The following SLC9A3 variants were observed in gnomAD, a reference collection of about 807,000 sequenced individuals.
SLC9A3 encodes the protein sodium/hydrogen exchanger 3.
A neutral mutation model predicts 86.8 loss-of-function variants in SLC9A3; 37 were observed. The observed-to-expected ratio is 0.43, with a 90% CI of 0.33 to 0.56. The LOEUF (loss-of-function observed/expected upper bound fraction) is 0.56. SLC9A3 is among the 20% of genes least tolerant of loss of function. SLC9A3 has a pLI of 0.06. For synonymous variants in SLC9A3, 581 were observed against 528.3 expected (o/e 1.10, Z -1.37); for missense variants, 1,011 against 1,171.9 (o/e 0.86, Z 2.00).
intron 1 of SLC9A3, among the ~76,000 whole-genome samples, chr5:516,911 A>T (rs1182701938): frequency 6.6e-6 from 1 of 152,204 alleles, no homozygotes; most frequent in Non-Finnish European, 1.5e-5. Flanking sequence ...TCAGCCGAGG[A>T]GCTGAGACAG....
In SLC9A3 at chr5:475,080, C is replaced by T; in HGVS notation, c.2304G>A (p.Leu768=). ...SPDEALDRSL[L]ARLPPWLSPG... is the part of the protein sequence containing the mutation. The stretch of plus-strand genomic sequence containing the variant: ...GAGACAGCCAGGGCGGCAGCCTGGC[C>T]AGGAGGCTGCGGTCCAGGGCCTCGT... Residue 768 remains leucine (L), a synonymous_variant, in exon 16 of 17, where the codon CTG becomes CTA. Transcript: ENST00000264938. 1 of 1,610,776 alleles carries T rather than the reference C, an allele frequency of 6.2e-7. No individual in the cohort carries two copies. Among genetic ancestry groups the T allele is most frequent in the South Asian group, 1.1e-5 (1 of 90,982 alleles).
chr5:483,261 C>T lies in SLC9A3; in HGVS notation c.1153+1G>A. ...ACGGCCGCAACCCGGCCCCGCCTCACCGATGGCCCGGTACACGGAGATGAA... is the reference window on the plus strand; with the variant it reads ...ACGGCCGCAACCCGGCCCCGCCTCATCGATGGCCCGGTACACGGAGATGAA... On this transcript the variant is annotated splice_donor_variant, in intron 6 of 16. Coordinates refer to ENST00000264938, the MANE Select transcript of SLC9A3 (RefSeq NM_004174.4). LOFTEE classifies it high-confidence loss of function. 1 of 1,540,598 alleles carries T rather than the reference C, an allele frequency of 6.5e-7. No homozygotes were observed. Among genetic ancestry groups the T allele is most frequent in the Non-Finnish European group, 8.8e-7 (1 of 1,138,384 alleles).
intron 1 of SLC9A3, among the ~76,000 whole-genome samples, chr5:518,338 T>C (rs1422250714): frequency 6.6e-6 from 1 of 151,838 alleles, no homozygotes; most frequent in Admixed American, 6.6e-5. Context: ...TGAGACCTGA[T>C]ACCCTGAGAT....
In SLC9A3 at chr5:488,341, G is replaced by A. The variant is rs777074221; in HGVS notation, c.650C>T (p.Ser217Leu). 8 of 1,612,720 alleles carry A rather than the reference G, an allele frequency of 5.0e-6. No individual in the cohort carries two copies. The highest frequency in any genetic ancestry group is 1.1e-5 in the South Asian group (1 of 91,084). ...CACGGTGACTGCGTCGTTCAGCAGC[G>A]ACTCCCCGAAGACGATGATGAACAG... ...EVLFIIVFGE[S>L]LLNDAVTVVL... Residue 217 changes from serine to leucine, a missense_variant, in exon 3 of 17, where the codon TCG becomes TTG. Physicochemically the swap from Ser to Leu is moderately radical, Grantham distance 145. Around this residue, in one of 3 missense-constraint regions of SLC9A3, gnomAD observed 565 missense variants for 790.0 expected, o/e 0.72. Coordinates refer to ENST00000264938, the MANE Select transcript of SLC9A3 (RefSeq NM_004174.4).
intron 16 of SLC9A3, among the ~76,000 whole-genome samples, chr5:474,123 G>C (rs572772355): frequency 5.0e-4 from 75 of 151,152 alleles, no homozygotes; most frequent in African/African-American, 1.8e-3. Context: ...GTCCAGGGAG[G>C]AGAGAGAGCG....
chr5:485,666 ATCCACGCCCTGGGC>A (rs1280536960), intron 3 of SLC9A3, among the ~76,000 whole-genome samples: 6 of 152,196 alleles, frequency 3.9e-5, no homozygotes, highest in African/African-American at 1.2e-4. Context: ...GGGAAACCTT[ATCCACGCCCTGGGC>A]TCCACGCCCA....
At chr5:521,901 G>A (rs1446164902) in intron 1 of SLC9A3, among the ~76,000 whole-genome samples, 1 of 152,238 alleles carries the variant, frequency 6.6e-6, no homozygotes, top group Non-Finnish European at 1.5e-5. Context: ...GCTGGGGGCT[G>A]TGTTCAAGAG....
At chr5:477,159 G>C (rs773073627) in intron 11 of SLC9A3, 173 bp downstream of exon 11, 4 of 567,354 alleles carry the variant, frequency 7.1e-6, no homozygotes, top group Non-Finnish European at 1.3e-5. Flanking sequence ...AGGGAGTCTG[G>C]CCACGGCCTA....
chr5:484,825 A>T (rs1406629380), intron 4 of SLC9A3, 128 bp from the exon 5 acceptor site: 2 of 877,778 alleles, frequency 2.3e-6, no homozygotes, highest in Admixed American at 4.6e-5. Flanking sequence ...TCTCTTGGAG[A>T]TCGGGCCTGG....
rs749117857 is a variant in SLC9A3 at position 471,798 on chromosome 5, C to T, written c.*1581G>A. 7 of 456,606 alleles carry T rather than the reference C, an allele frequency of 1.5e-5. No homozygotes were observed. The highest frequency in any genetic ancestry group is 1.1e-4 in the South Asian group (7 of 64,572). 28.3% of individuals were successfully genotyped at this position (456,606 alleles called of 1,614,324 possible). On this transcript the variant is annotated 3_prime_UTR_variant, in exon 17 of 17. Coordinates refer to ENST00000264938, the MANE Select transcript of SLC9A3 (RefSeq NM_004174.4). Reference sequence around the variant, plus strand: ...GAGCTTCTCCGAAGCAGCGGTCATGCAGGCTTTTGTGTGGCTGACGCTTCC... The same window carrying T: ...GAGCTTCTCCGAAGCAGCGGTCATGTAGGCTTTTGTGTGGCTGACGCTTCC...
intron 1 of SLC9A3, among the ~76,000 whole-genome samples, chr5:518,066 C>A (rs1281487250): frequency 6.6e-6 from 1 of 152,252 alleles, no homozygotes; most frequent in Non-Finnish European, 1.5e-5. Flanking sequence ...CTCAGATCTG[C>A]AGGACTCTGC....
At position 496,426 on chromosome 5, in the gene SLC9A3, C is replaced by T. The variant is rs957098500; in HGVS notation, c.212-4355G>A. Among the ~76,000 whole-genome samples, 6 of 152,256 alleles carry T rather than the reference C, an allele frequency of 3.9e-5. No homozygotes were observed. The highest frequency in any genetic ancestry group is 7.2e-5 in the African/African-American group (3 of 41,478). On this transcript the variant is annotated intron_variant, in intron 1 of 16. Coordinates refer to ENST00000264938, the MANE Select transcript of SLC9A3 (RefSeq NM_004174.4). This position sits in a 1 kb window ranked among gnomAD's most constrained non-coding sequence, Gnocchi z 4.7. ...TGACGACCTGTGGGTGACGCGTGAA[C>T]GACCCCGTTCTGTGAAAGTGTCGGC...
At chr5:482,831 G>C in intron 6 of SLC9A3, 81 bp from the exon 7 acceptor site, 2 of 1,160,174 alleles carry the variant, frequency 1.7e-6, no homozygotes, top group Non-Finnish European at 2.5e-6. Context: ...ACAGCGTCTT[G>C]GCGGCCAAGC....
intron 1 of SLC9A3, among the ~76,000 whole-genome samples, chr5:512,863 G>A (rs1420381675): frequency 6.6e-6 from 1 of 152,122 alleles, no homozygotes; most frequent in Non-Finnish European, 1.5e-5. Flanking sequence ...GGCGTGCAGA[G>A]GCCCAGCAGC....
In SLC9A3 at chr5:471,783, G is replaced by C. The variant is rs1323218514; in HGVS notation, c.*1596C>G. 2.2e-6 allele frequency: 1 copy of C among 456,402 alleles called. No individual in the cohort carries two copies. The highest frequency in any genetic ancestry group is 4.4e-6 in the Non-Finnish European group (1 of 226,942). The allele number at this position is 456,402 out of a possible 1,614,324, so 28.3% of individuals were successfully genotyped here. A position where few individuals can be genotyped will look rare whatever the true frequency, so the allele number is the denominator to read the frequency against. On this transcript the variant is annotated 3_prime_UTR_variant, in exon 17 of 17. Transcript: ENST00000264938. ...TGCAGTTAGGGTCGAGAGCTTCTCC[G>C]AAGCAGCGGTCATGCAGGCTTTTGT... is the stretch of plus-strand genomic sequence containing the variant.
chr5:522,201 C>G (rs1335519315), intron 1 of SLC9A3, among the ~76,000 whole-genome samples: 2 of 152,226 alleles, frequency 1.3e-5, no homozygotes, highest in African/African-American at 2.4e-5. Context: ...GACCGCCCTG[C>G]CCCGGGGAGT....
chr5:509,328 C>T (rs1466744573), intron 1 of SLC9A3, among the ~76,000 whole-genome samples: 1 of 151,940 alleles, frequency 6.6e-6, no homozygotes, highest in Admixed American at 6.6e-5. Context: ...GTGGCGCATG[C>T]CTGTAATCCC....
intron 1 of SLC9A3, among the ~76,000 whole-genome samples, chr5:504,734 G>A (rs80314407): frequency 0.038 from 5,778 of 152,300 alleles, 165 homozygotes; most frequent in Non-Finnish European, 0.05. Context: ...CTAAACGTGG[G>A]GGCTGAAGGG....
Position 491,630 on chromosome 5 carries a change from G to GCT in SLC9A3, c.514+137_514+138dup. On this transcript the variant is annotated intron_variant, in intron 2 of 16. Transcript: ENST00000264938. The surrounding 1 kb of genome is among the most constrained non-coding windows in gnomAD (Gnocchi z 9.2). The stretch of plus-strand genomic sequence containing the variant: ...GGCCTTGGTCACGAGGGCCTACGGG[G>GCT]CTGCCAGCCACGTTTCTCACCTGAC... The GCT allele has an allele frequency of 1.4e-6, 1 of 731,482 alleles. No homozygotes were observed. The highest frequency in any genetic ancestry group is 2.2e-5 in the South Asian group (1 of 46,236). The allele number at this position is 731,482 out of a possible 1,614,324, so 45.3% of individuals were successfully genotyped here.
Sources: gnomAD v4.1 joint callset for allele counts (sites outside exome capture counted in the v4.1 genomes callset) on GRCh38, gnomAD v4.1.1 for gene constraint, gnomAD v4.1.1 regional missense constraint, Gnocchi (gnomAD v3.1) non-coding constraint, MANE v1.5 for transcripts, NCBI Gene and HGNC (gene_info 2026-07-23, HGNC 2026-07-21) for gene names.